The following KIF6 variants were observed in gnomAD, a reference collection of about 807,000 sequenced individuals.
KIF6 encodes the protein kinesin family member 6.
Under a neutral mutation model 112.7 loss-of-function variants are expected in KIF6, and 106 were observed. The ratio of observed to expected loss-of-function variants is 0.94; its 90% CI spans 0.80 to 1.11. KIF6 has a LOEUF of 1.11. KIF6 is among the 50% of genes least tolerant of loss of function. KIF6 has a pLI of 0.00. For synonymous variants in KIF6, 339 were observed against 339.9 expected (o/e 1.00, Z 0.03); for missense variants, 929 against 964.0 (o/e 0.96, Z 0.48).
chr6:39,473,302 TA>T lies in KIF6; in HGVS notation c.1646-42142del, dbSNP rs34799894. Among the ~76,000 whole-genome samples the T allele has an allele frequency of 1.4e-3, 207 of 149,808 alleles. 1 individual carries two copies. Among genetic ancestry groups the T allele is most frequent in the African/African-American group, 4.5e-3 (185 of 41,020 alleles). On this transcript the variant is annotated intron_variant, in intron 13 of 22. Coordinates refer to ENST00000287152, the MANE Select transcript of KIF6 (RefSeq NM_145027.6). Reference sequence around the variant, plus strand: ...AAGGATAATACAAAATCAATTTAGGTAAAAAAAAAATAAGGTTTTGCTAACT... The same window carrying T: ...AAGGATAATACAAAATCAATTTAGGTAAAAAAAAATAAGGTTTTGCTAACT...
chr6:39,690,730 T>C (rs939714221), intron 3 of KIF6: 1 of 152,346 alleles, frequency 6.6e-6, no homozygotes, highest in African/African-American at 2.4e-5. Context: ...AACACTGCTG[T>C]GCCACCAACA....
chr6:39,471,722 A>T (rs1042398939), intron 13 of KIF6, among the ~76,000 whole-genome samples: 2 of 152,156 alleles, frequency 1.3e-5, no homozygotes, highest in African/African-American at 2.4e-5. Context: ...TCCCAGTGGA[A>T]CTACCTTAGC....
chr6:39,442,349 A>G (rs550400152), intron 13 of KIF6, among the ~76,000 whole-genome samples: 121 of 152,284 alleles, frequency 7.9e-4, no homozygotes, highest in African/African-American at 2.7e-3. Flanking sequence ...AACAAAAGAC[A>G]TCTAAACAGT....
At chr6:39,434,764 T>C (rs979210057) in intron 13 of KIF6, among the ~76,000 whole-genome samples, 1 of 152,018 alleles carries the variant, frequency 6.6e-6, no homozygotes, top group Non-Finnish European at 1.5e-5. Flanking sequence ...GAACTTCATC[T>C]AGAAGGATCT....
At chr6:39,493,627 A>G (rs1425047425) in intron 13 of KIF6, among the ~76,000 whole-genome samples, 1 of 152,240 alleles carries the variant, frequency 6.6e-6, no homozygotes, top group Non-Finnish European at 1.5e-5. Context: ...TTGTCTGTGA[A>G]TTGGTACTAT....
At chr6:39,479,147 T>C (rs1158240054) in intron 13 of KIF6, among the ~76,000 whole-genome samples, 1 of 152,168 alleles carries the variant, frequency 6.6e-6, no homozygotes, top group Non-Finnish European at 1.5e-5. Flanking sequence ...GCATTTGCTT[T>C]TGGGTTGTTG....
At chr6:39,694,809 A>G (rs9394622) in intron 3 of KIF6, among the ~76,000 whole-genome samples, 56,675 of 152,042 alleles carry the variant, frequency 0.37, 10,817 homozygotes, top group East Asian at 0.58. Context: ...CAGATTTAGA[A>G]AAAAACTATC....
intron 15 of KIF6, among the ~76,000 whole-genome samples, chr6:39,395,029 A>G (rs1768157741): frequency 6.6e-6 from 1 of 152,234 alleles, no homozygotes; most frequent in Non-Finnish European, 1.5e-5. Flanking sequence ...GGGCTTTTCA[A>G]GACAGCTCCT....
At chr6:39,373,723 G>GA (rs1328294254) in intron 16 of KIF6, among the ~76,000 whole-genome samples, 1 of 151,720 alleles carries the variant, frequency 6.6e-6, no homozygotes, top group African/African-American at 2.4e-5. Context: ...GAAAGAAATG[G>GA]AAAAAAACCA....
rs145115933 is a variant in KIF6 at position 39,660,788 on chromosome 6, G to A, written c.252-21031C>T. Among the ~76,000 whole-genome samples the A allele has an allele frequency of 7.0e-3, 1,071 of 152,190 alleles. 12 individuals carry two copies. Among genetic ancestry groups the A allele is most frequent in the African/African-American group, 0.021 (884 of 41,526 alleles). ...AAATAGATTAATGTGATCCAGAAGC[G>A]TCCATTTTCTTTCTAAATAAATCAA... is the stretch of plus-strand genomic sequence containing the variant. On this transcript the variant is annotated intron_variant, in intron 3 of 22. Transcript: ENST00000287152.
At chr6:39,656,406 C>T (rs773930589) in intron 3 of KIF6, among the ~76,000 whole-genome samples, 3 of 152,222 alleles carry the variant, frequency 2.0e-5, no homozygotes, top group South Asian at 2.1e-4. Context: ...TCTGTCTACA[C>T]TGCCACCAGA....
intron 18 of KIF6, among the ~76,000 whole-genome samples, chr6:39,359,578 TTTA>T (rs35182743): frequency 4.6e-5 from 7 of 151,522 alleles, no homozygotes; most frequent in African/African-American, 7.3e-5. Flanking sequence ...AGCTATGTGA[TTTA>T]TTATTATTAT....
chr6:39,487,987 A>G (rs1481702598), intron 13 of KIF6, among the ~76,000 whole-genome samples: 1 of 137,142 alleles, frequency 7.3e-6, no homozygotes, highest in Non-Finnish European at 1.6e-5. Context: ...TTGCATTTAT[A>G]GGCATCTATC....
intron 14 of KIF6, among the ~76,000 whole-genome samples, chr6:39,429,544 A>G (rs1275589483): frequency 6.6e-6 from 1 of 152,076 alleles, no homozygotes; most frequent in Non-Finnish European, 1.5e-5. Flanking sequence ...GTGGCCTATA[A>G]TATTAGCCAA....
chr6:39,714,364 A>G (rs1234170537), intron 3 of KIF6, among the ~76,000 whole-genome samples: 1 of 152,008 alleles, frequency 6.6e-6, no homozygotes, highest in Non-Finnish European at 1.5e-5. Context: ...CAGTCAGAAA[A>G]TCATCTAGGA....
At chr6:39,389,158 A>G (rs1164543963) in intron 15 of KIF6, among the ~76,000 whole-genome samples, 1 of 152,132 alleles carries the variant, frequency 6.6e-6, no homozygotes, top group Non-Finnish European at 1.5e-5. Context: ...GTTACTGAGT[A>G]GTTCTAGGGA....
chr6:39,678,762 A>G (rs1394604289), intron 3 of KIF6, among the ~76,000 whole-genome samples: 1 of 152,242 alleles, frequency 6.6e-6, no homozygotes, highest in African/African-American at 2.4e-5. Context: ...ATATCAGGAC[A>G]CTGTTGAGTT....
At chr6:39,624,445 C>A (rs1783988890) in intron 5 of KIF6, among the ~76,000 whole-genome samples, 1 of 152,114 alleles carries the variant, frequency 6.6e-6, no homozygotes, top group Non-Finnish European at 1.5e-5. Context: ...ATCAAGCAAG[C>A]TTAGAATCAT....
chr6:39,586,284 A>AT lies in KIF6; in HGVS notation c.966_967insA (p.Ser323IlefsTer8). The AT allele has an allele frequency of 6.2e-7, 1 of 1,614,164 alleles. No individual in the cohort carries two copies. The highest frequency in any genetic ancestry group is 8.5e-7 in the Non-Finnish European group (1 of 1,179,992). On this transcript the variant is annotated frameshift_variant, in exon 8 of 23. Transcript: ENST00000287152. LOFTEE classifies it high-confidence loss of function. Reference sequence around the variant, plus strand: ...ACATCAAGATTCCTTTTCTCCAAGGAGAGTGTTGCAATCATAGTTGTCATG... The same window carrying AT: ...ACATCAAGATTCCTTTTCTCCAAGGATGAGTGTTGCAATCATAGTTGTCATG...
Sources: gnomAD v4.1 joint callset for allele counts (sites outside exome capture counted in the v4.1 genomes callset) on GRCh38, gnomAD v4.1.1 for gene constraint, MANE v1.5 for transcripts, NCBI Gene and HGNC (gene_info 2026-07-23, HGNC 2026-07-21) for gene names.